DST: variants seen among roughly 807,000 people sequenced by gnomAD.
DST encodes the protein bullous pemphigoid antigen.
A neutral mutation model predicts 875.2 loss-of-function variants in DST; 253 were observed. That is an observed-to-expected ratio of 0.29 (90% CI 0.26 to 0.32). DST has a LOEUF of 0.32. Among genes scored for constraint, DST ranks in the 10% least tolerant of loss-of-function variants. DST has a pLI of 1.00. For missense variants in DST, 8,287 were observed against 9,111.6 expected, an observed-to-expected ratio of 0.91 and a Z score of 3.68; for synonymous variants, 3,124 against 3,197.1, an observed-to-expected ratio of 0.98 and a Z score of 0.77.
chr6:56,853,055 T>TA (rs1420351001), intron 3 of DST, among the ~76,000 whole-genome samples: 1 of 152,218 alleles, frequency 6.6e-6, no homozygotes, highest in African/African-American at 2.4e-5. Context: ...TGTGGGCACA[T>TA]AGTAGGTGTA....
intron 9 of DST, among the ~76,000 whole-genome samples, chr6:56,695,952 C>A (rs1017229977): frequency 1.3e-5 from 2 of 152,138 alleles, no homozygotes; most frequent in African/African-American, 4.8e-5. Flanking sequence ...AAAAACAATT[C>A]TTATCTCAAG....
chr6:56,728,373 T>C (rs796510893), intron 5 of DST, among the ~76,000 whole-genome samples: 4 of 152,222 alleles, frequency 2.6e-5, no homozygotes, highest in South Asian at 2.1e-4. Context: ...GTCAATTTCA[T>C]ACAAGTCTCC....
intron 4 of DST, among the ~76,000 whole-genome samples, chr6:56,738,466 A>C (rs1255070551): frequency 6.6e-6 from 1 of 152,032 alleles, no homozygotes; most frequent in African/African-American, 2.4e-5. Flanking sequence ...GACTACAGGC[A>C]TGTGCCACCA....
At chr6:56,873,521 T>C (rs1778301200) in intron 3 of DST, among the ~76,000 whole-genome samples, 1 of 152,196 alleles carries the variant, frequency 6.6e-6, no homozygotes, top group Non-Finnish European at 1.5e-5. Context: ...CACAAAGGAA[T>C]ATTATTCAGT....
At chr6:56,464,014 C>T (rs934410069) in intron 100 of DST, 3 of 572,264 alleles carry the variant, frequency 5.2e-6, no homozygotes, top group African/African-American at 1.9e-5. Context: ...CACTAGACAC[C>T]AGCAAGAATA....
intron 64 of DST, among the ~76,000 whole-genome samples, chr6:56,531,390 G>A (rs979352897): frequency 6.6e-6 from 1 of 152,124 alleles, no homozygotes; most frequent in Non-Finnish European, 1.5e-5. Context: ...TAAAATTACT[G>A]AGAGTATCTC....
At chr6:56,528,346 A>G (rs1318423233) in intron 67 of DST, among the ~76,000 whole-genome samples, 1 of 152,232 alleles carries the variant, frequency 6.6e-6, no homozygotes, top group Non-Finnish European at 1.5e-5. Context: ...GGCCAAAGGA[A>G]TCACTAAAAC....
Position 56,616,674 on chromosome 6 carries a change from G to A in DST, c.4930-2190C>T, listed in dbSNP as rs1355330745. On this transcript the variant is annotated intron_variant, in intron 36 of 103. Transcript: ENST00000680361. ...AACCCCTGCTGCAGAGCAATTTCTG[G>A]AGGAACACGAATGCCTCTCACAGGG... 8.1e-6 allele frequency: 13 copies of A among 1,614,166 alleles called. No individual in the cohort carries two copies. The highest frequency in any genetic ancestry group is 1.7e-5 in the Admixed American group (1 of 60,018).
intron 4 of DST, among the ~76,000 whole-genome samples, chr6:56,753,101 C>G (rs2099592658): frequency 6.6e-6 from 1 of 152,092 alleles, no homozygotes; most frequent in African/African-American, 2.4e-5. Context: ...GTTTATCTAT[C>G]TGTTTCATCT....
chr6:56,865,259 T>TTC lies in DST; in HGVS notation c.418-13657_418-13656dup, dbSNP rs1339938870. ...AATCTACCTCCCTGCTTCCCTAGTTTTCTGTGTGTGTGTGTGTGTGTGTGT... is the reference window on the plus strand; with the variant it reads ...AATCTACCTCCCTGCTTCCCTAGTTTTCTCTGTGTGTGTGTGTGTGTGTGTGT... On this transcript the variant is annotated intron_variant, in intron 3 of 103. Coordinates refer to ENST00000680361, the MANE Select transcript of DST (RefSeq NM_001374736.1). Among the ~76,000 whole-genome samples, 6 of 133,498 alleles carry TTC rather than the reference T, an allele frequency of 4.5e-5. No homozygotes were observed. The East Asian group carries it at 1.2e-3, about 28-fold the overall frequency. 87.6% of individuals were successfully genotyped at this position (133,498 alleles called of 152,430 possible).
intron 2 of DST, among the ~76,000 whole-genome samples, chr6:56,924,723 T>C (rs1163373384): frequency 6.6e-6 from 1 of 152,166 alleles, no homozygotes; most frequent in African/African-American, 2.4e-5. Flanking sequence ...TTTCTAATTT[T>C]CAAACATATA....
chr6:56,865,563 T>G (rs1016256912), intron 3 of DST, among the ~76,000 whole-genome samples: 6 of 152,090 alleles, frequency 3.9e-5, no homozygotes, highest in Non-Finnish European at 7.4e-5. Context: ...ACTGTGTTGC[T>G]CAGGCTGGTC....
chr6:56,476,823 G>A lies in DST; in HGVS notation c.21676-486C>T, dbSNP rs184061380. ...AAAAATTAGCTGGGCATGGTGGCAC[G>A]CGCCTGTAATCCCAGCTACTCGGGA... On this transcript the variant is annotated intron_variant, in intron 91 of 103. Transcript: ENST00000680361. 2.8e-3 allele frequency among the ~76,000 whole-genome samples: 430 copies of A among 151,998 alleles called. 3 individuals carry two copies. Among genetic ancestry groups the A allele is most frequent in the African/African-American group, 9.6e-3 (397 of 41,456 alleles).
At position 56,603,916 on chromosome 6, in the gene DST, A is replaced by G. The variant is rs1387006680; in HGVS notation, c.10712T>C (p.Leu3571Pro). The change falls in exon 40 of 104, where the codon CTG becomes CCG. Residue 3571 changes from leucine (L) to proline (P), a missense_variant. Coordinates refer to ENST00000680361, the MANE Select transcript of DST (RefSeq NM_001374736.1). ...CAAATGGCTTGGGAAATCATTACAC[A>G]GATCCTTGAGCTTCTCATCTCTTGG... ...TLPRDEKLKD[L>P]CNDFPSHLEC... 1 of 1,611,520 alleles carries G rather than the reference A, an allele frequency of 6.2e-7. No homozygotes were observed. The highest frequency in any genetic ancestry group is 8.5e-7 in the Non-Finnish European group (1 of 1,178,630).
At position 56,923,463 on chromosome 6, in the gene DST, C is replaced by CAAAAAA. The variant is rs57118743; in HGVS notation, c.217-22848_217-22843dup. Among the ~76,000 whole-genome samples the CAAAAAA allele has an allele frequency of 4.9e-4, 24 of 48,732 alleles. 1 individual carries two copies. Among genetic ancestry groups the CAAAAAA allele is most frequent in the African/African-American group, 1.6e-3 (23 of 13,988 alleles). The allele number at this position is 48,732 out of a possible 152,430, so 32.0% of individuals were successfully genotyped here. ...GGATGCTGGTAAACCGGCTCACTGGCAAAAAAAAAAAAAAAAAAAAAAAAA... is the reference window on the plus strand; with the variant it reads ...GGATGCTGGTAAACCGGCTCACTGGCAAAAAAAAAAAAAAAAAAAAAAAAAAAAAAA... On this transcript the variant is annotated intron_variant, in intron 2 of 103. Transcript: ENST00000680361.
intron 9 of DST, among the ~76,000 whole-genome samples, chr6:56,673,988 C>A (rs1168867859): frequency 6.6e-6 from 1 of 152,084 alleles, no homozygotes; most frequent in Non-Finnish European, 1.5e-5. Context: ...TACTATGCAA[C>A]CAAAATTAAA....
chr6:56,888,337 G>C (rs1785647652), intron 3 of DST, among the ~76,000 whole-genome samples: 1 of 151,998 alleles, frequency 6.6e-6, no homozygotes, highest in Non-Finnish European at 1.5e-5. Flanking sequence ...ACATTGAATG[G>C]GTGTCATTCA....
intron 7 of DST, among the ~76,000 whole-genome samples, chr6:56,703,145 A>T (rs1024394863): frequency 2.0e-5 from 3 of 152,164 alleles, no homozygotes; most frequent in African/African-American, 7.2e-5. Context: ...AATACATGTG[A>T]TATATTAGAG....
intron 2 of DST, among the ~76,000 whole-genome samples, chr6:56,921,780 C>T (rs1562411913): frequency 6.6e-6 from 1 of 152,000 alleles, no homozygotes; most frequent in African/African-American, 2.4e-5. Flanking sequence ...ACTGTGAAGA[C>T]TACCGGCAGA....
Sources: allele counts gnomAD v4.1 joint callset (sites outside exome capture counted in the v4.1 genomes callset), GRCh38; gene constraint gnomAD v4.1.1; transcripts MANE v1.5; gene names NCBI Gene and HGNC (gene_info 2026-07-23, HGNC 2026-07-21).